Variants in CRISPLD2 observed in about 807,000 individuals in gnomAD.
The protein encoded by CRISPLD2 is cysteine-rich secretory protein LCCL domain-containing 2.
CRISPLD2 carries 47 observed loss-of-function variants against 71.1 expected under a neutral mutation model. That is an observed-to-expected ratio of 0.66 (90% CI 0.52 to 0.84). CRISPLD2 has a LOEUF of 0.84. Among genes scored for constraint, CRISPLD2 ranks in the 40% least tolerant of loss-of-function variants. The pLI, the probability that CRISPLD2 is intolerant of heterozygous loss-of-function variation, is 0.00. For synonymous variants in CRISPLD2, 317 were observed against 250.1 expected, an observed-to-expected ratio of 1.27 and a Z score of -2.52; for missense variants, 830 against 651.1, an observed-to-expected ratio of 1.27 and a Z score of -2.99.
At chr16:84,894,395 C>G (rs1273756683) in intron 14 of CRISPLD2, among the ~76,000 whole-genome samples, 1 of 152,156 alleles carries the variant, frequency 6.6e-6, no homozygotes, top group Non-Finnish European at 1.5e-5. Context: ...TTCTTGGCCA[C>G]TTGATTTTTT....
rs961199582 is a variant in CRISPLD2 at position 84,909,370 on chromosome 16, T to C, written c.*2728T>C. 3 of 152,666 alleles carry C rather than the reference T, an allele frequency of 2.0e-5. No individual in the cohort carries two copies. Among genetic ancestry groups the C allele is most frequent in the African/African-American group, 7.2e-5 (3 of 41,468 alleles). 9.5% of individuals were successfully genotyped at this position (152,666 alleles called of 1,614,324 possible). On this transcript the variant is annotated 3_prime_UTR_variant, in exon 15 of 15. Coordinates refer to ENST00000262424, the MANE Select transcript of CRISPLD2 (RefSeq NM_031476.4). ...CCTGTGTACAAAGTTTTATTGTAAA[T>C]GTTTTTTGTGCTTTGCATGAACAGG...
intron 1 of CRISPLD2, among the ~76,000 whole-genome samples, chr16:84,825,845 T>C (rs912798611): frequency 6.6e-6 from 1 of 151,898 alleles, no homozygotes; most frequent in Non-Finnish European, 1.5e-5. Flanking sequence ...GGCACACCTG[T>C]AATTCCAGCT....
At chr16:84,884,329 A>G (rs984821515) in intron 13 of CRISPLD2, among the ~76,000 whole-genome samples, 2 of 152,146 alleles carry the variant, frequency 1.3e-5, no homozygotes, top group Non-Finnish European at 2.9e-5. Flanking sequence ...TGATAATGAC[A>G]ACACCTACCC....
intron 2 of CRISPLD2, among the ~76,000 whole-genome samples, chr16:84,841,236 C>A (rs963335657): frequency 3.9e-5 from 6 of 152,210 alleles, no homozygotes; most frequent in Non-Finnish European, 1.5e-5. Context: ...CAGTTAAGAC[C>A]TGAAGAGTGA....
At chr16:84,889,433 G>T in intron 14 of CRISPLD2, 70 bp downstream of exon 14, 1 of 1,494,174 alleles carries the variant, frequency 6.7e-7, no homozygotes. Context: ...GGCCTGGGAA[G>T]AGGCCCAGAG....
intron 12 of CRISPLD2, 135 bp from the exon 13 acceptor site, chr16:84,880,374 C>T: frequency 4.8e-6 from 3 of 625,844 alleles, no homozygotes; most frequent in Non-Finnish European, 5.5e-6. Flanking sequence ...TGTTTTTTTT[C>T]TTAATGAGGA....
At chr16:84,839,141 C>T in intron 2 of CRISPLD2, 1 of 361,784 alleles carries the variant, frequency 2.8e-6, no homozygotes, top group Admixed American at 3.7e-5. Flanking sequence ...CCTGCCTCAG[C>T]CTCTCAAAGT....
At chr16:84,828,730 C>T (rs568735114) in intron 1 of CRISPLD2, among the ~76,000 whole-genome samples, 1 of 152,120 alleles carries the variant, frequency 6.6e-6, no homozygotes, top group African/African-American at 2.4e-5. Context: ...ATCGAATGCA[C>T]CTGCTTTTCA....
intron 13 of CRISPLD2, among the ~76,000 whole-genome samples, chr16:84,884,310 C>G (rs760952518): frequency 6.8e-6 from 1 of 146,442 alleles, no homozygotes; most frequent in African/African-American, 2.5e-5. Flanking sequence ...CCTGAGTGTT[C>G]AAAGCGATTG....
chr16:84,869,770 T>A (rs2071449869), intron 8 of CRISPLD2, among the ~76,000 whole-genome samples: 1 of 152,280 alleles, frequency 6.6e-6, no homozygotes, highest in Non-Finnish European at 1.5e-5. Context: ...CTGCCCCGTC[T>A]GGGCTGCTGA....
At chr16:84,900,807 T>C (rs959554073) in intron 14 of CRISPLD2, among the ~76,000 whole-genome samples, 2 of 151,966 alleles carry the variant, frequency 1.3e-5, no homozygotes, top group Non-Finnish European at 1.5e-5. Flanking sequence ...ATCCGGGCAC[T>C]TTGGGAGGCT....
chr16:84,854,433 C>G (rs182986430), intron 5 of CRISPLD2, among the ~76,000 whole-genome samples: 233 of 152,230 alleles, frequency 1.5e-3, no homozygotes, highest in Non-Finnish European at 2.9e-3. Context: ...GTGTTCAGAG[C>G]TGTGTTGGTG....
chr16:84,831,125 G>A (rs1055571984), intron 1 of CRISPLD2, among the ~76,000 whole-genome samples: 1 of 152,238 alleles, frequency 6.6e-6, no homozygotes, highest in Admixed American at 6.5e-5. Context: ...AGGGCCGGGG[G>A]TGCCCATGGG....
intron 12 of CRISPLD2, among the ~76,000 whole-genome samples, chr16:84,880,043 G>GC (rs1385601418): frequency 1.3e-5 from 2 of 152,086 alleles, no homozygotes; most frequent in Admixed American, 6.6e-5. Flanking sequence ...GGTTATCAGT[G>GC]CCCCCGCCTT....
Position 84,873,023 on chromosome 16 carries a change from A to G in CRISPLD2, c.1013A>G (p.Tyr338Cys), listed in dbSNP as rs762699158. ...SSSICRAAIH[Y>C]GILDDKGGLV... The stretch of plus-strand genomic sequence containing the variant: ...AGCATATGCCGCGCCGCCATCCACT[A>G]CGGGATCCTGGATGACAAGGGAGGC... Residue 338 changes from tyrosine to cysteine, a missense_variant, in exon 10 of 15, where the codon TAC becomes TGC. Tyr to Cys is a radical substitution (Grantham distance 194, BLOSUM62 -2). Coordinates refer to ENST00000262424, the MANE Select transcript of CRISPLD2 (RefSeq NM_031476.4). 2.5e-6 allele frequency: 4 copies of G among 1,613,736 alleles called. No individual in the cohort carries two copies. Among genetic ancestry groups the G allele is most frequent in the Admixed American group, 1.7e-5 (1 of 59,990 alleles).
intron 14 of CRISPLD2, among the ~76,000 whole-genome samples, chr16:84,889,901 C>G (rs540469194): frequency 6.6e-6 from 1 of 152,208 alleles, no homozygotes; most frequent in East Asian, 1.9e-4. Context: ...AGCCTGGAGT[C>G]CAACAGACCT....
At chr16:84,895,830 C>G (rs934781298) in intron 14 of CRISPLD2, among the ~76,000 whole-genome samples, 1 of 152,098 alleles carries the variant, frequency 6.6e-6, no homozygotes, top group Non-Finnish European at 1.5e-5. Flanking sequence ...CAGGTACCTC[C>G]CTGGAGAGGC....
At position 84,909,075 on chromosome 16, in the gene CRISPLD2, T is replaced by A. The variant is rs1370908541; in HGVS notation, c.*2433T>A. ...AAAATGGAAACAAGACTATAAATGA[T>A]AAGCCCTGTCCCTAGCACCACCTCT... On this transcript the variant is annotated 3_prime_UTR_variant, in exon 15 of 15. Coordinates refer to ENST00000262424, the MANE Select transcript of CRISPLD2 (RefSeq NM_031476.4). 6.6e-6 allele frequency: 1 copy of A among 152,400 alleles called. No homozygotes were observed. Among genetic ancestry groups the A allele is most frequent in the Non-Finnish European group, 1.5e-5 (1 of 68,046 alleles). The allele number at this position is 152,400 out of a possible 1,614,324, so 9.4% of individuals were successfully genotyped here.
chr16:84,894,588 G>C (rs1329799967), intron 14 of CRISPLD2, among the ~76,000 whole-genome samples: 1 of 152,162 alleles, frequency 6.6e-6, no homozygotes, highest in Non-Finnish European at 1.5e-5. Flanking sequence ...GCAGAGATAT[G>C]ATGTGAGCAC....
Sources: allele counts gnomAD v4.1 joint callset (sites outside exome capture counted in the v4.1 genomes callset), GRCh38; gene constraint gnomAD v4.1.1; transcripts MANE v1.5; gene names NCBI Gene and HGNC (gene_info 2026-07-23, HGNC 2026-07-21).